The following PNPLA8 variants were observed in gnomAD, a reference collection of about 807,000 sequenced individuals.
PNPLA8 encodes patatin like domain 8, phospholipase A2, also known as calcium-independent phospholipase A2-gamma.
PNPLA8 carries 39 observed loss-of-function variants against 76.9 expected under a neutral mutation model. The observed-to-expected ratio is 0.51, with a 90% CI of 0.39 to 0.66. The LOEUF is 0.66. Ranked by LOEUF, PNPLA8 falls within the 30% of genes least tolerant of loss-of-function variation. PNPLA8 has a pLI of 0.00. For synonymous variants in PNPLA8, 301 were observed against 307.9 expected, an observed-to-expected ratio of 0.98 and a Z score of 0.24; for missense variants, 887 against 918.0, an observed-to-expected ratio of 0.97 and a Z score of 0.44.
rs112319935 is a variant in PNPLA8, at chr7:108,501,550, C to T, written c.1358+941G>A. Among the ~76,000 whole-genome samples, 230 of 152,214 alleles carry T rather than the reference C, an allele frequency of 1.5e-3. 2 individuals are homozygous for T. Among genetic ancestry groups the T allele is most frequent in the African/African-American group, 5.3e-3 (220 of 41,544 alleles). On this transcript the variant is annotated intron_variant, in intron 5 of 10. Coordinates refer to ENST00000257694, the MANE Select transcript of PNPLA8 (RefSeq NM_001256007.3). ...GTAATAAAAGAAAGCTGGCTGGGCG[C>T]GGTGGCTCACGCCTGTAATCACAGC...
intron 2 of PNPLA8, among the ~76,000 whole-genome samples, 191 bp from the exon 3 acceptor site, chr7:108,515,765 A>C (rs1863294766): frequency 6.6e-6 from 1 of 152,250 alleles, no homozygotes; most frequent in African/African-American, 2.4e-5. Flanking sequence ...ATAGAGGTAA[A>C]TAAAAAAAGA....
chr7:108,525,949 G>A (rs1864048823), intron 1 of PNPLA8, 80 bp downstream of exon 1: 1 of 615,014 alleles, frequency 1.6e-6, no homozygotes, highest in Admixed American at 6.3e-5. Context: ...AAGAAAGGAC[G>A]ACCCGGAGCG....
At chr7:108,519,915 T>C (rs1418482704) in intron 2 of PNPLA8, among the ~76,000 whole-genome samples, 1 of 152,188 alleles carries the variant, frequency 6.6e-6, no homozygotes, top group Non-Finnish European at 1.5e-5. Flanking sequence ...GTCTGTCTCT[T>C]AGGCTCATTC....
chr7:108,511,879 T>G (rs1240295052), intron 4 of PNPLA8, among the ~76,000 whole-genome samples: 1 of 152,232 alleles, frequency 6.6e-6, no homozygotes, highest in African/African-American at 2.4e-5. Context: ...TAGAATGATT[T>G]CTGAAGGAAT....
chr7:108,478,024 A>C (rs1389807046), intron 10 of PNPLA8, among the ~76,000 whole-genome samples: 1 of 152,234 alleles, frequency 6.6e-6, no homozygotes, highest in Non-Finnish European at 1.5e-5. Context: ...GGACAGAAGG[A>C]TAATAAGTAA....
At chr7:108,482,754 A>C (rs1860486377) in intron 9 of PNPLA8, among the ~76,000 whole-genome samples, 1 of 152,046 alleles carries the variant, frequency 6.6e-6, no homozygotes, top group Non-Finnish European at 1.5e-5. Context: ...TAAGTGTTTA[A>C]TTTTTTGGAT....
At chr7:108,485,309 A>G (rs1054092045) in intron 9 of PNPLA8, among the ~76,000 whole-genome samples, 1 of 152,160 alleles carries the variant, frequency 6.6e-6, no homozygotes, top group Non-Finnish European at 1.5e-5. Context: ...AATTCTTCTC[A>G]CTTTATAATT....
Position 108,480,830 on chromosome 7 carries a change from A to G in PNPLA8, c.1879-1451T>C, listed in dbSNP as rs144069895. The G allele has an allele frequency of 4.7e-3, 1,373 of 294,500 alleles. 4 individuals carry two copies. Among genetic ancestry groups the G allele is most frequent in the Non-Finnish European group, 6.5e-3 (916 of 139,850 alleles). 18.2% of individuals were successfully genotyped at this position (294,500 alleles called of 1,614,324 possible). A position where few individuals can be genotyped will look rare whatever the true frequency, so the allele number is the denominator to read the frequency against. On this transcript the variant is annotated intron_variant, in intron 9 of 10. Transcript: ENST00000257694. Reference sequence around the variant, plus strand: ...ATAGATTTGTGTAAATATTACCACAATCAAGATACAGAATAGTTCCATCAC... The same window carrying G: ...ATAGATTTGTGTAAATATTACCACAGTCAAGATACAGAATAGTTCCATCAC...
chr7:108,481,008 G>A (rs1238974770), intron 9 of PNPLA8, among the ~76,000 whole-genome samples: 5 of 152,114 alleles, frequency 3.3e-5, no homozygotes, highest in Admixed American at 6.6e-5. Flanking sequence ...TTCTCTTTCT[G>A]AGCATGTCAT....
chr7:108,494,341 G>A (rs1163111081), intron 7 of PNPLA8, among the ~76,000 whole-genome samples: 5 of 152,050 alleles, frequency 3.3e-5, no homozygotes, highest in South Asian at 2.1e-4. Context: ...CCCAACAAGC[G>A]GCTCCTCAGC....
At position 108,497,553 on chromosome 7, in the gene PNPLA8, T is replaced by C; in HGVS notation, c.1383A>G (p.Leu461=). 6.2e-7 allele frequency: 1 copy of C among 1,611,760 alleles called. No homozygotes were observed. The highest frequency in any genetic ancestry group is 8.5e-7 in the Non-Finnish European group (1 of 1,178,552). The change falls in exon 6 of 11, where the codon CTA becomes CTG. Residue 461 remains leucine, a synonymous_variant. Coordinates refer to ENST00000257694, the MANE Select transcript of PNPLA8 (RefSeq NM_001256007.3). ...GTRGVVALQT[L]RKLVELTQKP... Reference sequence around the variant, plus strand: ...TCTGAGTAAGTTCAACTAATTTTCGTAGGGTCTGGAGAGCAACCACGCCCC... The same window carrying C: ...TCTGAGTAAGTTCAACTAATTTTCGCAGGGTCTGGAGAGCAACCACGCCCC...
At chr7:108,488,904 A>T (rs1040534160) in intron 8 of PNPLA8, among the ~76,000 whole-genome samples, 5 of 152,204 alleles carry the variant, frequency 3.3e-5, no homozygotes, top group African/African-American at 1.2e-4. Context: ...TCCTGTGCCA[A>T]GTCCTGCCAA....
At chr7:108,505,423 C>T (rs149478769) in intron 4 of PNPLA8, among the ~76,000 whole-genome samples, 2,636 of 127,326 alleles carry the variant, frequency 0.021, 38 homozygotes, top group African/African-American at 0.029. Context: ...AGTGCAGCGG[C>T]GTGATCTCAG....
intron 1 of PNPLA8, among the ~76,000 whole-genome samples, chr7:108,525,821 G>A (rs913389069): frequency 2.0e-5 from 3 of 152,210 alleles, no homozygotes; most frequent in Admixed American, 2.0e-4. Context: ...AAAGCCCACG[G>A]GGGCGGAGGG....
chr7:108,475,329 G>A (rs566572558), intron 10 of PNPLA8, among the ~76,000 whole-genome samples: 6 of 151,794 alleles, frequency 4.0e-5, no homozygotes, highest in Non-Finnish European at 8.8e-5. Context: ...TCCCCTCCCC[G>A]CCCCCATGTG....
At chr7:108,485,305 T>C (rs1860668743) in intron 9 of PNPLA8, among the ~76,000 whole-genome samples, 1 of 152,166 alleles carries the variant, frequency 6.6e-6, no homozygotes, top group African/African-American at 2.4e-5. Context: ...AAAGAATTCT[T>C]CTCACTTTAT....
At chr7:108,492,816 C>CT (rs1290126035) in intron 7 of PNPLA8, among the ~76,000 whole-genome samples, 1 of 152,202 alleles carries the variant, frequency 6.6e-6, no homozygotes, top group Non-Finnish European at 1.5e-5. Context: ...AATCACAGTC[C>CT]TGGTATCCAT....
chr7:108,523,492 G>A (rs772897292), intron 1 of PNPLA8, among the ~76,000 whole-genome samples: 15 of 151,584 alleles, frequency 9.9e-5, no homozygotes, highest in Non-Finnish European at 1.9e-4. Flanking sequence ...TATGCATGTC[G>A]AAACTCACTG....
chr7:108,498,273 AT>A (rs1024415964), intron 5 of PNPLA8, among the ~76,000 whole-genome samples: 29 of 146,760 alleles, frequency 2.0e-4, no homozygotes, highest in Admixed American at 2.7e-4. Flanking sequence ...ATTTCACCAG[AT>A]TTTTTTTTTT....
Sources: gnomAD v4.1 joint callset for allele counts (sites outside exome capture counted in the v4.1 genomes callset) on GRCh38, gnomAD v4.1.1 for gene constraint, MANE v1.5 for transcripts, NCBI Gene and HGNC (gene_info 2026-07-23, HGNC 2026-07-21) for gene names.